The following GRM7 variants were observed in gnomAD, a reference collection of about 807,000 sequenced individuals.
The protein encoded by GRM7 is glutamate metabotropic receptor 7, also known as metabotropic glutamate receptor 7.
In GRM7, 35 loss-of-function variants were observed where a neutral mutation model predicts 84.5. The observed-to-expected ratio is 0.41, with a 90% CI of 0.32 to 0.55. The LOEUF is 0.55. Ranked by LOEUF, GRM7 falls within the 20% of genes least tolerant of loss-of-function variation. GRM7 has a pLI of 0.19. For synonymous variants in GRM7, 487 were observed against 455.1 expected (o/e 1.07, Z -0.89); for missense variants, 1,003 against 1,194.6 (o/e 0.84, Z 2.36).
chr3:6,940,994 G>C (rs1575042173), intron 1 of GRM7, among the ~76,000 whole-genome samples: 1 of 152,210 alleles, frequency 6.6e-6, no homozygotes, highest in African/African-American at 2.4e-5. Flanking sequence ...GGGTGGAGAT[G>C]TTGCTCATTG....
intron 2 of GRM7, among the ~76,000 whole-genome samples, chr3:7,238,738 T>TTTTC (rs1697435644): frequency 1.3e-5 from 2 of 150,672 alleles, no homozygotes; most frequent in African/African-American, 5.0e-5. Flanking sequence ...TCTTTTCTTT[T>TTTTC]TTTTCTTTTC....
intron 2 of GRM7, among the ~76,000 whole-genome samples, chr3:7,284,700 G>T (rs1037343452): frequency 6.6e-6 from 1 of 151,896 alleles, no homozygotes; most frequent in African/African-American, 2.4e-5. Flanking sequence ...TTTATCTACT[G>T]CTTGGTCTTG....
intron 1 of GRM7, among the ~76,000 whole-genome samples, chr3:6,867,840 TGAAA>T (rs1694987642): frequency 6.6e-6 from 1 of 152,224 alleles, no homozygotes; most frequent in Non-Finnish European, 1.5e-5. Flanking sequence ...AATATCTGTC[TGAAA>T]GAGTGTTGAG....
chr3:7,171,495 T>C (rs1394644867), intron 2 of GRM7, among the ~76,000 whole-genome samples: 1 of 152,192 alleles, frequency 6.6e-6, no homozygotes, highest in Non-Finnish European at 1.5e-5. Context: ...ATAGATTTTA[T>C]GGCACCACAC....
At chr3:7,254,642 G>T (rs992257381) in intron 2 of GRM7, among the ~76,000 whole-genome samples, 6 of 152,140 alleles carry the variant, frequency 3.9e-5, no homozygotes, top group African/African-American at 1.4e-4. Flanking sequence ...ACTGGTAGTG[G>T]TAGTGGTCTG....
intron 1 of GRM7, among the ~76,000 whole-genome samples, chr3:7,111,959 C>T (rs185493658): frequency 6.6e-6 from 1 of 152,158 alleles, no homozygotes; most frequent in East Asian, 1.9e-4. Context: ...CTGAGATTGA[C>T]TATCTATGAA....
chr3:7,078,582 T>C (rs1363161675), intron 1 of GRM7, among the ~76,000 whole-genome samples: 1 of 152,146 alleles, frequency 6.6e-6, no homozygotes, highest in Non-Finnish European at 1.5e-5. Flanking sequence ...TTAAGTGGAA[T>C]CTAGGAAGAT....
chr3:7,080,408 A>C (rs1698238919), intron 1 of GRM7, among the ~76,000 whole-genome samples: 1 of 151,968 alleles, frequency 6.6e-6, no homozygotes, highest in Non-Finnish European at 1.5e-5. Context: ...CGGCTTTCCT[A>C]CCACAAATCC....
chr3:7,596,558 T>C (rs913707229), intron 8 of GRM7, among the ~76,000 whole-genome samples: 1 of 151,342 alleles, frequency 6.6e-6, no homozygotes. Flanking sequence ...GAGAAGAGGG[T>C]AAATGGGAGG....
chr3:7,300,101 A>G (rs911903260), intron 3 of GRM7, among the ~76,000 whole-genome samples: 1 of 152,140 alleles, frequency 6.6e-6, no homozygotes, highest in Non-Finnish European at 1.5e-5. Flanking sequence ...AGTCATGCCA[A>G]TTTACACTTC....
intron 1 of GRM7, among the ~76,000 whole-genome samples, chr3:7,084,621 G>A (rs1350079006): frequency 6.6e-6 from 1 of 152,092 alleles, no homozygotes; most frequent in Non-Finnish European, 1.5e-5. Context: ...TGAAATGGGA[G>A]TCAGGTTAGT....
chr3:7,088,686 C>A (rs1460525242), intron 1 of GRM7, among the ~76,000 whole-genome samples: 1 of 142,460 alleles, frequency 7.0e-6, no homozygotes, highest in Non-Finnish European at 1.5e-5. Context: ...TGGAGGTTCA[C>A]TGATTTCTTA....
chr3:7,385,535 C>T (rs1157925845), intron 4 of GRM7, among the ~76,000 whole-genome samples: 1 of 151,886 alleles, frequency 6.6e-6, no homozygotes, highest in East Asian at 1.9e-4. Context: ...CTCCTGACCT[C>T]GTGATCCACG....
chr3:7,063,900 A>C (rs549077201), intron 1 of GRM7, among the ~76,000 whole-genome samples: 2 of 151,886 alleles, frequency 1.3e-5, no homozygotes, highest in South Asian at 4.1e-4. Context: ...AAGCTAATAT[A>C]ATAGGCAAAT....
intron 4 of GRM7, among the ~76,000 whole-genome samples, chr3:7,321,291 A>C (rs1034087180): frequency 3.9e-5 from 6 of 152,084 alleles, no homozygotes; most frequent in Admixed American, 1.3e-4. Context: ...AATTTAGATA[A>C]GAATCCTATT....
intron 1 of GRM7, among the ~76,000 whole-genome samples, chr3:7,131,331 G>A (rs1693591189): frequency 1.3e-5 from 2 of 152,086 alleles, no homozygotes; most frequent in Non-Finnish European, 2.9e-5. Context: ...TTGAATCCTT[G>A]GGGAGTGATG....
intron 9 of GRM7, among the ~76,000 whole-genome samples, chr3:7,740,014 G>A (rs1192749554): frequency 1.3e-5 from 2 of 152,150 alleles, no homozygotes; most frequent in Non-Finnish European, 2.9e-5. Context: ...TCTGTGAGAA[G>A]AGCACACAAC....
At chr3:6,997,953 C>A (rs1195383101) in intron 1 of GRM7, among the ~76,000 whole-genome samples, 1 of 151,458 alleles carries the variant, frequency 6.6e-6, no homozygotes, top group Non-Finnish European at 1.5e-5. Context: ...AACCCCATCT[C>A]TACTAAAAAT....
intron 5 of GRM7, among the ~76,000 whole-genome samples, chr3:7,447,041 T>C (rs576383689): frequency 1.6e-5 from 2 of 128,382 alleles, no homozygotes; most frequent in African/African-American, 2.5e-5. Flanking sequence ...TAAAGATAAA[T>C]ACTGGACTCT....
Sources: gnomAD v4.1 joint callset for allele counts (sites outside exome capture counted in the v4.1 genomes callset) on GRCh38, gnomAD v4.1.1 for gene constraint, MANE v1.5 for transcripts, NCBI Gene and HGNC (gene_info 2026-07-23, HGNC 2026-07-21) for gene names.